The following ANKRD36 variants were observed in gnomAD, a reference collection of about 807,000 sequenced individuals.
ANKRD36 encodes the protein ankyrin repeat domain-containing protein 36A.
Under a neutral mutation model 278.1 loss-of-function variants are expected in ANKRD36, and 179 were observed. The ratio of observed to expected loss-of-function variants is 0.64; its 90% CI spans 0.57 to 0.73. The LOEUF is 0.73. Among genes scored for constraint, ANKRD36 ranks in the 30% least tolerant of loss-of-function variants. The pLI is 0.00. For missense variants in ANKRD36, 1,159 were observed against 1,956.7 expected (o/e 0.59, Z 7.69); for synonymous variants, 320 against 641.1 (o/e 0.50, Z 7.57).
chr2:97,195,846 A>C (rs1176292435), intron 40 of ANKRD36, among the ~76,000 whole-genome samples: 1 of 151,926 alleles, frequency 6.6e-6, no homozygotes, highest in Non-Finnish European at 1.5e-5. Context: ...TTATTATCTA[A>C]TGGTTGTGGC....
Position 97,206,091 on chromosome 2 carries a change from T to TCAC in ANKRD36, c.3119_3120insCAC (p.Leu1040delinsPheThr), listed in dbSNP as rs2062777540. On this transcript the variant is annotated protein_altering_variant, in exon 52 of 76. Transcript: ENST00000420699. ...ACAAGTGATGAGGAAGATTCTGTTT[T>TCAC]GAGTATAGCCAGAGAAAACAAGGAT... The TCAC allele has an allele frequency of 7.1e-6, 11 of 1,550,160 alleles. No homozygotes were observed. Among genetic ancestry groups the TCAC allele is most frequent in the Non-Finnish European group, 9.6e-6 (11 of 1,149,350 alleles).
intron 30 of ANKRD36, among the ~76,000 whole-genome samples, chr2:97,186,888 C>G (rs1380999443): frequency 6.6e-6 from 1 of 151,892 alleles, no homozygotes; most frequent in Non-Finnish European, 1.5e-5. Context: ...AGTTTCCCCT[C>G]TGATTTTTGA....
rs2034040650 is a variant in ANKRD36, at chr2:97,113,169, C to T, written c.-571C>T. Among the ~76,000 whole-genome samples, 2 of 152,130 alleles carry T rather than the reference C, an allele frequency of 1.3e-5. No individual in the cohort carries two copies. Among genetic ancestry groups the T allele is most frequent in the Admixed American group, 6.5e-5 (1 of 15,274 alleles). On this transcript the variant is annotated 5_prime_UTR_variant, in exon 1 of 76. Coordinates refer to ENST00000420699, the MANE Select transcript of ANKRD36 (RefSeq NM_001354587.1). ...CCAGCCCCCGCCGGAGCCCGAGCTGCAGTGCCGCCTACAAGTGGTGCGCTG... is the reference window on the plus strand; with the variant it reads ...CCAGCCCCCGCCGGAGCCCGAGCTGTAGTGCCGCCTACAAGTGGTGCGCTG...
At chr2:97,201,620 G>A (rs1264148863) in intron 46 of ANKRD36, among the ~76,000 whole-genome samples, 3 of 151,944 alleles carry the variant, frequency 2.0e-5, no homozygotes, top group Non-Finnish European at 4.4e-5. Flanking sequence ...CACCACATGG[G>A]TGGGAGAGAT....
In ANKRD36 at chr2:97,202,332, C is replaced by T. The variant is rs189540273; in HGVS notation, c.2898C>T (p.Asp966=). The T allele has an allele frequency of 5.0e-4, 791 of 1,570,888 alleles. 10 individuals are homozygous for T. In the East Asian group the frequency reaches 0.015, roughly 29 times the overall value. Residue 966 remains aspartate, a synonymous_variant, in exon 48 of 76, where the codon GAC becomes GAT. Transcript: ENST00000420699. ...TAAATTCCATTCAGGGTACAAGTGA[C>T]GAGGAAGATTCTGTTTTGGGTATAG... ...QKPPALKGTS[D]EEDSVLGIAR...
chr2:97,230,738 T>C (rs1010764739), intron 67 of ANKRD36, among the ~76,000 whole-genome samples: 14 of 152,200 alleles, frequency 9.2e-5, no homozygotes, highest in African/African-American at 3.1e-4. Flanking sequence ...TTTCCAGTTT[T>C]TCTGCTCTGT....
chr2:97,137,673 A>T (rs1444348827), intron 6 of ANKRD36, among the ~76,000 whole-genome samples: 5 of 152,128 alleles, frequency 3.3e-5, no homozygotes, highest in Non-Finnish European at 7.4e-5. Flanking sequence ...ATCCTTGAGG[A>T]ATCACCACAC....
Position 97,178,572 on chromosome 2 carries a change from G to A in ANKRD36, c.1634-1166G>A, listed in dbSNP as rs574798725. Among the ~76,000 whole-genome samples, 21 of 150,306 alleles carry A rather than the reference G, an allele frequency of 1.4e-4. 1 individual carries two copies. In the South Asian group the frequency reaches 2.1e-3, roughly 15 times the overall value. On this transcript the variant is annotated intron_variant, in intron 22 of 75. Coordinates refer to ENST00000420699, the MANE Select transcript of ANKRD36 (RefSeq NM_001354587.1). Reference sequence around the variant, plus strand: ...AAATCATCATTCTCAGTAAACTATCGCAAAAACAAAAAACCAAACACCGCA... The same window carrying A: ...AAATCATCATTCTCAGTAAACTATCACAAAAACAAAAAACCAAACACCGCA...
intron 44 of ANKRD36, among the ~76,000 whole-genome samples, chr2:97,199,206 A>C (rs1245225709): frequency 6.6e-6 from 1 of 151,868 alleles, no homozygotes; most frequent in Non-Finnish European, 1.5e-5. Context: ...CTTCAGATGC[A>C]TTGGGAATAT....
intron 6 of ANKRD36, among the ~76,000 whole-genome samples, chr2:97,132,378 C>T (rs971198794): frequency 6.6e-6 from 1 of 151,388 alleles, no homozygotes; most frequent in Non-Finnish European, 1.5e-5. Context: ...TAGAAGCTTT[C>T]ATACTATGGG....
rs1424176674 is a variant in ANKRD36, at chr2:97,136,710, C to A, written c.800-5930C>A. On this transcript the variant is annotated intron_variant, in intron 6 of 75. Coordinates refer to ENST00000420699, the MANE Select transcript of ANKRD36 (RefSeq NM_001354587.1). ...TTGCGGTGTGAGAGAAGAGGAACAT[C>A]ATGTTGAATATGTGTTTTCTACACA... Among the ~76,000 whole-genome samples, 7 of 151,706 alleles carry A rather than the reference C, an allele frequency of 4.6e-5. No homozygotes were observed. The Admixed American group carries it at 4.6e-4, about 10-fold the overall frequency.
chr2:97,158,727 T>C, intron 17 of ANKRD36, 72 bp downstream of exon 17: 5 of 1,381,100 alleles, frequency 3.6e-6, no homozygotes, highest in Non-Finnish European at 4.9e-6. Context: ...CTCACTCTTA[T>C]CTGTTAATGA....
At chr2:97,127,570 C>T (rs1226473920) in intron 6 of ANKRD36, among the ~76,000 whole-genome samples, 3 of 151,718 alleles carry the variant, frequency 2.0e-5, no homozygotes, top group East Asian at 3.8e-4. Context: ...TGCCAATCCC[C>T]ATGCTGTTGA....
intron 6 of ANKRD36, among the ~76,000 whole-genome samples, chr2:97,130,376 C>G (rs1197684754): frequency 7.1e-6 from 1 of 140,478 alleles, no homozygotes; most frequent in Admixed American, 8.1e-5. Context: ...TGTTCTCACT[C>G]ATAGGTGGGA....
intron 67 of ANKRD36, among the ~76,000 whole-genome samples, chr2:97,229,891 T>A (rs1380885971): frequency 6.6e-6 from 1 of 152,098 alleles, no homozygotes; most frequent in Non-Finnish European, 1.5e-5. Flanking sequence ...TCTCCTTCAC[T>A]TATGAAGCTT....
intron 17 of ANKRD36, 145 bp from the exon 18 acceptor site, chr2:97,161,954 A>C (rs2048997977): frequency 3.5e-6 from 2 of 573,702 alleles, no homozygotes; most frequent in Admixed American, 4.4e-5. Context: ...TTGATAAATA[A>C]ATAAAATTAG....
chr2:97,160,058 C>T (rs1486045006), intron 17 of ANKRD36, among the ~76,000 whole-genome samples: 8 of 152,254 alleles, frequency 5.3e-5, no homozygotes, highest in African/African-American at 1.9e-4. Flanking sequence ...GCTGGGATTA[C>T]AGGCGTGAGC....
intron 62 of ANKRD36, 33 bp from the exon 63 acceptor site, chr2:97,217,144 T>G: frequency 6.5e-7 from 1 of 1,534,158 alleles, no homozygotes. Flanking sequence ...CATATTTACA[T>G]ATGATGAATT....
At position 97,204,004 on chromosome 2, in the gene ANKRD36, T is replaced by C. The variant is rs1426293116; in HGVS notation, c.2960-64T>C. 7 of 1,537,738 alleles carry C rather than the reference T, an allele frequency of 4.6e-6. No homozygotes were observed. The Admixed American group carries it at 9.9e-5, about 22-fold the overall frequency. ...GACAGAGGCTGATGCTAACACTGCA[T>C]GAATGTATGGATAATTTTGTCATTT... On this transcript the variant is annotated intron_variant, in intron 48 of 75. Coordinates refer to ENST00000420699, the MANE Select transcript of ANKRD36 (RefSeq NM_001354587.1).
Sources: gnomAD v4.1 joint callset for allele counts (sites outside exome capture counted in the v4.1 genomes callset) on GRCh38, gnomAD v4.1.1 for gene constraint, MANE v1.5 for transcripts, NCBI Gene and HGNC (gene_info 2026-07-23, HGNC 2026-07-21) for gene names.